The following DCLK1 variants were observed in gnomAD, a reference collection of about 807,000 sequenced individuals.
DCLK1 encodes the protein doublecortin like kinase 1.
Under a neutral mutation model 86.2 loss-of-function variants are expected in DCLK1, and 16 were observed. That is an observed-to-expected ratio of 0.19 (90% CI 0.13 to 0.28). The LOEUF (loss-of-function observed/expected upper bound fraction) is 0.28. Ranked by LOEUF, DCLK1 falls within the 10% of genes least tolerant of loss-of-function variation. The pLI, the probability that DCLK1 is intolerant of heterozygous loss-of-function variation, is 1.00. For synonymous variants in DCLK1, 369 were observed against 370.5 expected (o/e 1.00, Z 0.05); for missense variants, 590 against 940.2 (o/e 0.63, Z 4.87).
At chr13:35,983,882 T>A (rs1046609278) in intron 3 of DCLK1, among the ~76,000 whole-genome samples, 7 of 152,310 alleles carry the variant, frequency 4.6e-5, no homozygotes, top group Admixed American at 1.3e-4. Flanking sequence ...TGAATTGCAA[T>A]CTGGAAATCT....
intron 11 of DCLK1, among the ~76,000 whole-genome samples, chr13:35,817,667 C>T (rs148089527): frequency 1.3e-5 from 2 of 152,070 alleles, no homozygotes; most frequent in Non-Finnish European, 2.9e-5. Flanking sequence ...TCTGGGTCAA[C>T]CCCAGGCCCA....
intron 4 of DCLK1, among the ~76,000 whole-genome samples, chr13:35,935,572 A>G (rs1239421235): frequency 6.6e-6 from 1 of 152,184 alleles, no homozygotes; most frequent in Non-Finnish European, 1.5e-5. Flanking sequence ...AGAACAAGAA[A>G]TGAAGCTGAC....
chr13:35,823,944 C>G (rs2087458861), intron 10 of DCLK1, among the ~76,000 whole-genome samples: 1 of 152,186 alleles, frequency 6.6e-6, no homozygotes, highest in African/African-American at 2.4e-5. Context: ...AAGCTAACCA[C>G]ACAAATTTTT....
At chr13:35,796,043 C>G (rs997313415) in intron 15 of DCLK1, among the ~76,000 whole-genome samples, 1 of 151,546 alleles carries the variant, frequency 6.6e-6, no homozygotes, top group African/African-American at 2.4e-5. Context: ...GAATTTTTGA[C>G]AGTTTTTCCA....
intron 8 of DCLK1, among the ~76,000 whole-genome samples, chr13:35,832,482 G>GGA (rs1869034860): frequency 6.6e-6 from 1 of 152,168 alleles, no homozygotes; most frequent in Non-Finnish European, 1.5e-5. Flanking sequence ...GGCAATCCTT[G>GGA]TTTGTGGGTA....
chr13:36,022,856 C>T (rs767266881), intron 3 of DCLK1, among the ~76,000 whole-genome samples: 1 of 151,860 alleles, frequency 6.6e-6, no homozygotes, highest in Non-Finnish European at 1.5e-5. Context: ...TCTTTATAAA[C>T]TCTTCCAAAA....
chr13:35,958,131 A>ACTATAACCATCACCACCATCACTG (rs1555352809), intron 3 of DCLK1, among the ~76,000 whole-genome samples: 4,870 of 49,148 alleles, frequency 0.099, 576 homozygotes, highest in East Asian at 0.17. Flanking sequence ...CACTACCACT[A>ACTATAACCATCACCACCATCACTG]CTATAACCAC....
chr13:35,959,827 G>T (rs1878354641), intron 3 of DCLK1, among the ~76,000 whole-genome samples: 1 of 150,856 alleles, frequency 6.6e-6, no homozygotes, highest in African/African-American at 2.4e-5. Flanking sequence ...AGAAATTAGA[G>T]CTCATGAAAA....
At chr13:35,931,633 T>C (rs73521587) in intron 4 of DCLK1, among the ~76,000 whole-genome samples, 5,863 of 152,192 alleles carry the variant, frequency 0.039, 395 homozygotes, top group African/African-American at 0.13. Flanking sequence ...GATCAATATC[T>C]AGTATTGGAT....
At chr13:35,832,612 A>G (rs1427492996) in intron 8 of DCLK1, among the ~76,000 whole-genome samples, 3 of 152,196 alleles carry the variant, frequency 2.0e-5, no homozygotes, top group African/African-American at 7.2e-5. Flanking sequence ...GGTGGCAGTT[A>G]GCACAATGAC....
intron 9 of DCLK1, 77 bp downstream of exon 9, chr13:35,828,173 T>G: frequency 8.1e-7 from 1 of 1,228,958 alleles, no homozygotes; most frequent in Non-Finnish European, 1.2e-6. Context: ...TGAACTTGTA[T>G]TTGTTTGGGA....
At chr13:35,882,801 G>A (rs550719685) in intron 4 of DCLK1, among the ~76,000 whole-genome samples, 2 of 152,090 alleles carry the variant, frequency 1.3e-5, no homozygotes, top group East Asian at 1.9e-4. Flanking sequence ...GCTGTTTTAC[G>A]TGCCGGGATA....
intron 4 of DCLK1, among the ~76,000 whole-genome samples, chr13:35,926,383 C>A (rs1300780900): frequency 6.6e-6 from 1 of 152,178 alleles, no homozygotes; most frequent in East Asian, 1.9e-4. Context: ...TTGTCAGGGA[C>A]CTCTCAGGAG....
intron 2 of DCLK1, among the ~76,000 whole-genome samples, chr13:36,117,915 C>T (rs1885846132): frequency 6.6e-6 from 1 of 152,116 alleles, no homozygotes; most frequent in African/African-American, 2.4e-5. Flanking sequence ...CCACTTCCCA[C>T]TGGGCTATCT....
At chr13:36,101,474 GT>G (rs1236044938) in intron 3 of DCLK1, among the ~76,000 whole-genome samples, 1 of 152,200 alleles carries the variant, frequency 6.6e-6, no homozygotes, top group Non-Finnish European at 1.5e-5. Flanking sequence ...TAAAACTAAT[GT>G]TTAATGCATC....
chr13:35,942,310 G>T (rs1360012764), intron 4 of DCLK1, among the ~76,000 whole-genome samples: 1 of 152,054 alleles, frequency 6.6e-6, no homozygotes, highest in Non-Finnish European at 1.5e-5. Context: ...GGGACTACAG[G>T]TGCATGCCAC....
chr13:35,964,222 G>T (rs1449612581), intron 3 of DCLK1, among the ~76,000 whole-genome samples: 1 of 152,094 alleles, frequency 6.6e-6, no homozygotes, highest in Non-Finnish European at 1.5e-5. Flanking sequence ...AAGATAAGGG[G>T]GTGTATAAAA....
chr13:35,887,479 A>G (rs1463836626), intron 4 of DCLK1, among the ~76,000 whole-genome samples: 1 of 152,162 alleles, frequency 6.6e-6, no homozygotes, highest in African/African-American at 2.4e-5. Context: ...ACAATTCCCA[A>G]GGGAGGCTGC....
chr13:35,869,450 A>T (rs1349433535), intron 5 of DCLK1, among the ~76,000 whole-genome samples: 1 of 152,238 alleles, frequency 6.6e-6, no homozygotes, highest in Non-Finnish European at 1.5e-5. Context: ...TGGTCTACAC[A>T]TCAAGGTATC....
Sources: gnomAD v4.1 joint callset for allele counts (sites outside exome capture counted in the v4.1 genomes callset) on GRCh38, gnomAD v4.1.1 for gene constraint, MANE v1.5 for transcripts, NCBI Gene and HGNC (gene_info 2026-07-23, HGNC 2026-07-21) for gene names.